MYO1B: variants seen among roughly 807,000 people sequenced by gnomAD.
MYO1B encodes unconventional myosin-Ib.
A neutral mutation model predicts 159.7 loss-of-function variants in MYO1B; 72 were observed. The observed-to-expected ratio is 0.45, with a 90% confidence interval of 0.37 to 0.55. The LOEUF is 0.55. Among genes scored for constraint, MYO1B ranks in the 20% least tolerant of loss-of-function variants. The pLI, the probability that MYO1B is intolerant of heterozygous loss-of-function variation, is 0.00. For synonymous variants in MYO1B, 468 were observed against 473.8 expected, an observed-to-expected ratio of 0.99 and a Z score of 0.16; for missense variants, 1,062 against 1,364.8, an observed-to-expected ratio of 0.78 and a Z score of 3.50.
intron 2 of MYO1B, among the ~76,000 whole-genome samples, chr2:191,290,772 A>G (rs1397480138): frequency 2.0e-5 from 3 of 152,210 alleles, no homozygotes; most frequent in East Asian, 3.8e-4. Context: ...TATTGAGACT[A>G]TGCCAAGTTT....
chr2:191,364,087 T>C, intron 10 of MYO1B, 71 bp from the exon 11 acceptor site: 1 of 1,357,008 alleles, frequency 7.4e-7, no homozygotes, highest in Non-Finnish European at 1.1e-6. Context: ...AAGAACATCC[T>C]AAGCCTTCAA....
intron 1 of MYO1B, chr2:191,246,067 G>C (rs1238642315): frequency 6.6e-6 from 1 of 152,362 alleles, no homozygotes; most frequent in African/African-American, 2.4e-5. Context: ...GGGCGTCCTG[G>C]GGAGTGGGGT....
chr2:191,413,666 A>T (rs1007986381), intron 27 of MYO1B, among the ~76,000 whole-genome samples: 1 of 152,194 alleles, frequency 6.6e-6, no homozygotes, highest in South Asian at 2.1e-4. Flanking sequence ...TGAAGGCGTT[A>T]GTAAATCCTT....
At chr2:191,321,332 A>G (rs930692626) in intron 3 of MYO1B, among the ~76,000 whole-genome samples, 19 of 152,178 alleles carry the variant, frequency 1.2e-4, no homozygotes, top group Admixed American at 5.2e-4. Context: ...ATTTGCCTGT[A>G]ACAAAGTCAT....
At chr2:191,369,671 T>C in intron 12 of MYO1B, 43 bp downstream of exon 12, 1 of 1,431,006 alleles carries the variant, frequency 7.0e-7, no homozygotes, top group Non-Finnish European at 9.8e-7. Context: ...ATAAATGGTA[T>C]TCACAGTATA....
intron 4 of MYO1B, among the ~76,000 whole-genome samples, chr2:191,338,555 A>G (rs1044629944): frequency 6.6e-6 from 1 of 152,126 alleles, no homozygotes; most frequent in Non-Finnish European, 1.5e-5. Flanking sequence ...ACTTGATCCC[A>G]TCTTGTTCTG....
At chr2:191,294,436 G>T (rs1441271441) in intron 2 of MYO1B, among the ~76,000 whole-genome samples, 2 of 152,126 alleles carry the variant, frequency 1.3e-5, no homozygotes, top group East Asian at 3.8e-4. Flanking sequence ...ATAACCAATG[G>T]CTATATTTTC....
chr2:191,342,203 G>A (rs562644578), intron 5 of MYO1B, among the ~76,000 whole-genome samples: 82 of 152,274 alleles, frequency 5.4e-4, no homozygotes, highest in African/African-American at 1.8e-3. Context: ...CTTGCTGTAT[G>A]CTCACTTGAC....
chr2:191,334,059 A>T (rs1423163329), intron 4 of MYO1B, among the ~76,000 whole-genome samples: 2 of 151,486 alleles, frequency 1.3e-5, no homozygotes, highest in African/African-American at 4.9e-5. Flanking sequence ...AAATATTCCT[A>T]AGCCTCTTTC....
rs16833635 is a variant in MYO1B, at chr2:191,360,321, A to T, written c.563-310A>T. 0.013 allele frequency among the ~76,000 whole-genome samples: 1,944 copies of T among 152,360 alleles called. 75 individuals are homozygous for T. The East Asian group carries it at 0.15, about 12-fold the overall frequency. Reference sequence around the variant, plus strand: ...TTTCATTGCTTACATTTGTAACGTCACATTTTCAGGAATTTAATGTCATCA... The same window carrying T: ...TTTCATTGCTTACATTTGTAACGTCTCATTTTCAGGAATTTAATGTCATCA... On this transcript the variant is annotated intron_variant, in intron 7 of 30. Transcript: ENST00000392318.
Position 191,337,974 on chromosome 2 carries a change from G to C in MYO1B, c.347-3487G>C, listed in dbSNP as rs571166222. On this transcript the variant is annotated intron_variant, in intron 4 of 30. Coordinates refer to ENST00000392318, the MANE Select transcript of MYO1B (RefSeq NM_001130158.3). ...GAGTCAAAAGGAAATGAAGCACAAA[G>C]TCTCATGAGGTAACTATTATTTCCA... Among the ~76,000 whole-genome samples the C allele has an allele frequency of 1.1e-4, 16 of 152,228 alleles. No individual in the cohort carries two copies. The South Asian group carries it at 3.1e-3, about 30-fold the overall frequency.
At chr2:191,420,213 CAA>C (rs1049482204) in intron 30 of MYO1B, among the ~76,000 whole-genome samples, 3 of 152,062 alleles carry the variant, frequency 2.0e-5, no homozygotes, top group Non-Finnish European at 2.9e-5. Context: ...AAAAACAAAA[CAA>C]AAGTGTCAAA....
intron 15 of MYO1B, 36 bp downstream of exon 15, chr2:191,383,378 T>G: frequency 7.1e-7 from 1 of 1,406,616 alleles, no homozygotes; most frequent in Non-Finnish European, 9.6e-7. Context: ...AAGAATGTTT[T>G]AGTCCTATAA....
chr2:191,402,470 T>C, intron 23 of MYO1B, 162 bp from the exon 24 acceptor site: 1 of 650,190 alleles, frequency 1.5e-6, no homozygotes. Context: ...TGCACCAGCC[T>C]GACACCAATT....
intron 3 of MYO1B, among the ~76,000 whole-genome samples, chr2:191,314,008 A>T (rs934444786): frequency 6.6e-6 from 1 of 152,204 alleles, no homozygotes; most frequent in Non-Finnish European, 1.5e-5. Flanking sequence ...GTCTGCTAGG[A>T]TTATTTCAGT....
chr2:191,369,337 T>G (rs1480313547), intron 11 of MYO1B, among the ~76,000 whole-genome samples: 1 of 152,234 alleles, frequency 6.6e-6, no homozygotes, highest in Non-Finnish European at 1.5e-5. Flanking sequence ...ATTAGTTTCC[T>G]GGTTTGTGAA....
chr2:191,414,194 C>A lies in MYO1B; in HGVS notation c.3006+14C>A, dbSNP rs766797180. 3.7e-6 allele frequency: 6 copies of A among 1,604,062 alleles called. No homozygotes were observed. Among genetic ancestry groups the A allele is most frequent in the Non-Finnish European group, 4.2e-6 (5 of 1,176,762 alleles). ...GCTAATGGGAAGGTAAAAATGCTAACCTTGAAGACTGATAAGAAGTACCTA... is the reference window on the plus strand; with the variant it reads ...GCTAATGGGAAGGTAAAAATGCTAAACTTGAAGACTGATAAGAAGTACCTA... On this transcript the variant is annotated intron_variant, in intron 28 of 30. Coordinates refer to ENST00000392318, the MANE Select transcript of MYO1B (RefSeq NM_001130158.3).
intron 4 of MYO1B, among the ~76,000 whole-genome samples, chr2:191,339,503 C>G (rs1213356309): frequency 6.6e-6 from 1 of 152,124 alleles, no homozygotes; most frequent in Non-Finnish European, 1.5e-5. Context: ...AGTAAGTGCC[C>G]TGTAAAAGAA....
intron 30 of MYO1B, among the ~76,000 whole-genome samples, chr2:191,420,126 C>T (rs970437139): frequency 3.3e-5 from 5 of 152,070 alleles, no homozygotes; most frequent in East Asian, 1.9e-4. Flanking sequence ...CATCTGAGCC[C>T]GGGAAGGTCA....
Sources: gnomAD v4.1 joint callset for allele counts (sites outside exome capture counted in the v4.1 genomes callset) on GRCh38, gnomAD v4.1.1 for gene constraint, MANE v1.5 for transcripts, NCBI Gene and HGNC (gene_info 2026-07-23, HGNC 2026-07-21) for gene names.